The following PALD1 variants were observed in gnomAD, a reference collection of about 807,000 sequenced individuals.
The protein encoded by PALD1 is paladin.
PALD1 carries 57 observed loss-of-function variants against 96.0 expected under a neutral mutation model. The observed-to-expected ratio is 0.59, with a 90% CI of 0.48 to 0.74. PALD1 has a LOEUF of 0.74. Ranked by LOEUF, PALD1 falls within the 30% of genes least tolerant of loss-of-function variation. The probability of loss-of-function intolerance (pLI) is 0.00; values close to 1 mark genes in which losing one functional copy is unlikely to be tolerated. For synonymous variants in PALD1, 464 were observed against 473.6 expected, an observed-to-expected ratio of 0.98 and a Z score of 0.26; for missense variants, 1,063 against 1,143.7, an observed-to-expected ratio of 0.93 and a Z score of 1.02.
chr10:70,521,290 G>A (rs1048959213), intron 1 of PALD1, among the ~76,000 whole-genome samples: 4 of 152,104 alleles, frequency 2.6e-5, no homozygotes, highest in African/African-American at 9.7e-5. Context: ...AAAGAGGCAG[G>A]GAGGAAGCTG....
At chr10:70,502,893 C>G (rs898978964) in intron 1 of PALD1, among the ~76,000 whole-genome samples, 4 of 152,004 alleles carry the variant, frequency 2.6e-5, no homozygotes, top group African/African-American at 9.7e-5. Context: ...TCTCTCTTTT[C>G]TTTTCTTTTG....
At chr10:70,503,174 C>T (rs1846329504) in intron 1 of PALD1, among the ~76,000 whole-genome samples, 1 of 152,128 alleles carries the variant, frequency 6.6e-6, no homozygotes, top group Non-Finnish European at 1.5e-5. Context: ...ACCACCATGC[C>T]CAGCCGATTT....
chr10:70,500,854 C>T (rs549776921), intron 1 of PALD1, among the ~76,000 whole-genome samples: 23 of 152,218 alleles, frequency 1.5e-4, no homozygotes, highest in Non-Finnish European at 2.9e-4. Flanking sequence ...ATGCCAGGGG[C>T]GGAAGTGAAG....
upstream of PALD1, among the ~76,000 whole-genome samples, chr10:70,473,949 G>A (rs532158515): frequency 9.5e-4 from 145 of 151,862 alleles, no homozygotes; most frequent in African/African-American, 3.1e-3. Flanking sequence ...CACAGTACCC[G>A]GCCTGACTGA....
chr10:70,558,956 C>T lies in PALD1; in HGVS notation c.2263-5408C>T, dbSNP rs1184503998. 3.3e-5 allele frequency among the ~76,000 whole-genome samples: 5 copies of T among 152,040 alleles called. No homozygotes were observed. The East Asian group carries it at 5.8e-4, about 18-fold the overall frequency. On this transcript the variant is annotated intron_variant, in intron 18 of 19. Coordinates refer to ENST00000263563, the MANE Select transcript of PALD1 (RefSeq NM_014431.3). ...GCCGAGGTTGCAGTGAGCTAAGTTG[C>T]ATTTTTCTATCAGCCGAGGGTCTGG...
At chr10:70,566,496 CCA>C in intron 19 of PALD1, 83 bp from the exon 20 acceptor site, 2 of 1,033,718 alleles carry the variant, frequency 1.9e-6, no homozygotes, top group Non-Finnish European at 2.9e-6. Context: ...AGTTCACAGG[CCA>C]CAGACTCATC....
At position 70,492,611 on chromosome 10, in the gene PALD1, C is replaced by T. The variant is rs1174023997; in HGVS notation, c.-30+13552C>T. 3.3e-5 allele frequency among the ~76,000 whole-genome samples: 5 copies of T among 152,064 alleles called. No homozygotes were observed. The East Asian group carries it at 9.7e-4, about 30-fold the overall frequency. On this transcript the variant is annotated intron_variant, in intron 1 of 19. Coordinates refer to ENST00000263563, the MANE Select transcript of PALD1 (RefSeq NM_014431.3). ...AGCTGGGATTACAGGTACCTGCCAC[C>T]ACGCCTGGCTAATTTTTGTGTATTT...
intron 15 of PALD1, 34 bp from the exon 16 acceptor site, chr10:70,541,068 G>A (rs779300087): frequency 2.1e-5 from 32 of 1,553,140 alleles, no homozygotes; most frequent in South Asian, 4.9e-5. Context: ...TCCAAGAGAC[G>A]CCCGCTGACC....
chr10:70,557,690 A>G (rs1847638654), intron 18 of PALD1, among the ~76,000 whole-genome samples: 1 of 151,778 alleles, frequency 6.6e-6, no homozygotes, highest in Admixed American at 6.6e-5. Flanking sequence ...TGCACGTGGG[A>G]AGAGGGTGGG....
chr10:70,516,661 C>A (rs1846625619), intron 1 of PALD1, among the ~76,000 whole-genome samples: 3 of 152,050 alleles, frequency 2.0e-5, no homozygotes, highest in Admixed American at 1.3e-4. Flanking sequence ...TCAAGCGATC[C>A]TCCTGTCTCA....
chr10:70,535,328 C>T (rs935513675), intron 10 of PALD1, among the ~76,000 whole-genome samples: 1 of 152,228 alleles, frequency 6.6e-6, no homozygotes, highest in African/African-American at 2.4e-5. Flanking sequence ...AATCTAAAGC[C>T]ACAGAGGCAG....
chr10:70,539,005 C>T lies in PALD1; in HGVS notation c.1566C>T (p.Ala522=). 6.2e-7 allele frequency: 1 copy of T among 1,613,748 alleles called. No homozygotes were observed. Residue 522 remains alanine, a synonymous_variant, in exon 13 of 20, where the codon GCC becomes GCT. Transcript: ENST00000263563. This position sits in a 1 kb window ranked among gnomAD's most constrained non-coding sequence, Gnocchi z 4.5. ...MPIYGTAQPS[A]KALGSILAYL... ...TCTACGGCACGGCCCAGCCCAGCGC[C>T]AAGGTGACCGGCCCTCAGGGCCTGG...
At chr10:70,543,717 T>C (rs951035517) in intron 17 of PALD1, among the ~76,000 whole-genome samples, 2 of 152,184 alleles carry the variant, frequency 1.3e-5, no homozygotes, top group African/African-American at 4.8e-5. Flanking sequence ...ATTTTCCAGC[T>C]GAGTTTAGTC....
intron 1 of PALD1, among the ~76,000 whole-genome samples, chr10:70,479,284 C>G (rs771118867): frequency 6.6e-6 from 1 of 152,212 alleles, no homozygotes; most frequent in Non-Finnish European, 1.5e-5. Flanking sequence ...TGGGCTACCC[C>G]CTCTCCCGAG....
chr10:70,532,567 G>A, intron 5 of PALD1, 54 bp from the exon 6 acceptor site: 1 of 1,571,620 alleles, frequency 6.4e-7, no homozygotes, highest in Non-Finnish European at 8.7e-7. Context: ...AGGACACTCA[G>A]GGAGGGTCTT....
At chr10:70,536,101 C>A (rs1379508239) in intron 10 of PALD1, among the ~76,000 whole-genome samples, 4 of 152,176 alleles carry the variant, frequency 2.6e-5, no homozygotes, top group African/African-American at 9.7e-5. Context: ...GAAATCCTGT[C>A]TCCACAGAAA....
In PALD1 at chr10:70,529,938, G is replaced by T. The variant is rs1430149519; in HGVS notation, c.338G>T (p.Gly113Val). 4 of 1,613,832 alleles carry T rather than the reference G, an allele frequency of 2.5e-6. No individual in the cohort carries two copies. The South Asian group carries it at 4.4e-5, about 18-fold the overall frequency. ...RDVTEKMDVL[G>V]TVGSCGAPNF... is the part of the protein sequence containing the mutation. The stretch of plus-strand genomic sequence containing the variant: ...GTCACTGAGAAGATGGATGTGCTGG[G>T]CACCGTGGGAAGCTGTGGGGCCCCC... Residue 113 changes from glycine (G) to valine (V), a missense_variant, in exon 4 of 20, where the codon GGC becomes GTC. By Grantham distance (109) the Gly-to-Val change is moderately radical. Coordinates refer to ENST00000263563, the MANE Select transcript of PALD1 (RefSeq NM_014431.3).
At chr10:70,509,399 C>T (rs778897122) in intron 1 of PALD1, among the ~76,000 whole-genome samples, 10 of 152,220 alleles carry the variant, frequency 6.6e-5, no homozygotes, top group Non-Finnish European at 1.2e-4. Flanking sequence ...TAAGGTTGTC[C>T]TGAAGTTCCA....
intron 17 of PALD1, among the ~76,000 whole-genome samples, chr10:70,542,278 T>A (rs1847266914): frequency 6.6e-6 from 1 of 152,218 alleles, no homozygotes; most frequent in African/African-American, 2.4e-5. Flanking sequence ...TTTCTTTATG[T>A]GGTAAAATAT....
Sources: allele counts gnomAD v4.1 joint callset (sites outside exome capture counted in the v4.1 genomes callset), GRCh38; gene constraint gnomAD v4.1.1; non-coding constraint Gnocchi (gnomAD v3.1); transcripts MANE v1.5; gene names NCBI Gene and HGNC (gene_info 2026-07-23, HGNC 2026-07-21).